Variants in MAPK4 observed in about 807,000 individuals in gnomAD.
MAPK4 encodes the protein Erk3-related.
MAPK4 carries 22 observed loss-of-function variants against 47.7 expected under a neutral mutation model. That is an observed-to-expected ratio of 0.46 (90% CI 0.33 to 0.66). The LOEUF (loss-of-function observed/expected upper bound fraction) is 0.66. Ranked by LOEUF, MAPK4 falls within the 30% of genes least tolerant of loss-of-function variation. MAPK4 has a pLI of 0.02. For synonymous variants in MAPK4, 390 were observed against 365.7 expected, an observed-to-expected ratio of 1.07 and a Z score of -0.76; for missense variants, 736 against 831.7, an observed-to-expected ratio of 0.88 and a Z score of 1.42.
intron 1 of MAPK4, among the ~76,000 whole-genome samples, chr18:50,563,820 T>C (rs2042175135): frequency 6.6e-6 from 1 of 152,192 alleles, no homozygotes; most frequent in South Asian, 2.1e-4. Context: ...AGCCTTTCAC[T>C]GTATGCAAAC....
At chr18:50,683,718 A>G (rs1893487) in intron 2 of MAPK4, among the ~76,000 whole-genome samples, 107,000 of 151,920 alleles carry the variant, frequency 0.7, 40,496 homozygotes, top group Non-Finnish European at 0.85. Flanking sequence ...GATTATTTTT[A>G]AGAGTCCTGG....
chr18:50,604,170 G>A (rs1250832942), intron 1 of MAPK4, among the ~76,000 whole-genome samples: 2 of 152,184 alleles, frequency 1.3e-5, no homozygotes, highest in Non-Finnish European at 2.9e-5. Context: ...CTCAAACCAT[G>A]TCATTGTTCT....
chr18:50,699,281 C>T (rs902879370), intron 2 of MAPK4, among the ~76,000 whole-genome samples: 2 of 152,028 alleles, frequency 1.3e-5, no homozygotes, highest in South Asian at 4.2e-4. Context: ...AACCTTCTGC[C>T]GTATTATGTT....
At chr18:50,591,049 A>G (rs1056605311) in intron 1 of MAPK4, among the ~76,000 whole-genome samples, 1 of 152,202 alleles carries the variant, frequency 6.6e-6, no homozygotes, top group East Asian at 1.9e-4. Flanking sequence ...AAACGTGATA[A>G]TGCTTATTCA....
intron 1 of MAPK4, among the ~76,000 whole-genome samples, chr18:50,562,533 T>A (rs183827880): frequency 6.6e-6 from 1 of 152,064 alleles, no homozygotes; most frequent in Admixed American, 6.5e-5. Flanking sequence ...TCCAAACTGA[T>A]ACCAGTGATG....
At chr18:50,684,373 C>A (rs1908751354) in intron 2 of MAPK4, among the ~76,000 whole-genome samples, 1 of 151,964 alleles carries the variant, frequency 6.6e-6, no homozygotes, top group Non-Finnish European at 1.5e-5. Context: ...CGCAAGACCC[C>A]TTTTTCTAAA....
intron 1 of MAPK4, among the ~76,000 whole-genome samples, chr18:50,652,416 T>A (rs2043060234): frequency 6.6e-6 from 1 of 152,178 alleles, no homozygotes; most frequent in African/African-American, 2.4e-5. Flanking sequence ...AAAGAGCTGA[T>A]GCACCTGGGT....
chr18:50,683,412 C>G (rs917715622), intron 2 of MAPK4, among the ~76,000 whole-genome samples: 3 of 151,544 alleles, frequency 2.0e-5, no homozygotes, highest in Admixed American at 6.6e-5. Context: ...CTTGAGCTAC[C>G]ACTCCTGACC....
intron 1 of MAPK4, among the ~76,000 whole-genome samples, chr18:50,599,712 C>A (rs1173318236): frequency 1.3e-5 from 2 of 152,124 alleles, no homozygotes; most frequent in Admixed American, 6.5e-5. Context: ...AACCACTGTG[C>A]CTGGCCTGCT....
chr18:50,629,379 T>C (rs1397766159), intron 1 of MAPK4: 1 of 152,192 alleles, frequency 6.6e-6, no homozygotes, highest in East Asian at 1.9e-4. Context: ...AGAATAGAAA[T>C]GTATGTTTTA....
intron 1 of MAPK4, among the ~76,000 whole-genome samples, chr18:50,581,443 G>A (rs2042343699): frequency 6.6e-6 from 1 of 152,132 alleles, no homozygotes; most frequent in Admixed American, 6.5e-5. Context: ...GGGCACACAC[G>A]TGATCCAAGA....
intron 1 of MAPK4, chr18:50,629,923 T>C (rs1471689273): frequency 6.6e-6 from 1 of 152,262 alleles, no homozygotes; most frequent in African/African-American, 2.4e-5. Flanking sequence ...GTAATAATGA[T>C]GCCCATCACT....
At chr18:50,658,772 C>G (rs1040131517) in intron 1 of MAPK4, among the ~76,000 whole-genome samples, 2 of 152,152 alleles carry the variant, frequency 1.3e-5, no homozygotes, top group African/African-American at 4.8e-5. Context: ...TCCTAGGTAG[C>G]TCCCTAGGAG....
intron 1 of MAPK4, among the ~76,000 whole-genome samples, chr18:50,609,029 G>A (rs2042607555): frequency 6.6e-6 from 1 of 152,084 alleles, no homozygotes. Context: ...CAGAGAGCAG[G>A]GGGTTGGGGG....
chr18:50,724,145 G>T (rs1029445633), intron 4 of MAPK4, among the ~76,000 whole-genome samples: 2 of 152,140 alleles, frequency 1.3e-5, no homozygotes, highest in Non-Finnish European at 2.9e-5. Context: ...CCGAGTAGCT[G>T]GCACCACAAG....
intron 2 of MAPK4, among the ~76,000 whole-genome samples, chr18:50,697,505 A>G (rs1909577804): frequency 6.6e-6 from 1 of 152,242 alleles, no homozygotes; most frequent in Non-Finnish European, 1.5e-5. Flanking sequence ...AAGTGCTTTT[A>G]GTAATACTGC....
chr18:50,662,896 G>C (rs1280935637), intron 1 of MAPK4, among the ~76,000 whole-genome samples, 193 bp from the exon 2 acceptor site: 1 of 152,222 alleles, frequency 6.6e-6, no homozygotes, highest in Non-Finnish European at 1.5e-5. Flanking sequence ...TCCATCTTCT[G>C]TCTCTTCCAG....
chr18:50,689,018 G>C (rs946609487), intron 2 of MAPK4, among the ~76,000 whole-genome samples: 1 of 151,860 alleles, frequency 6.6e-6, no homozygotes, highest in Non-Finnish European at 1.5e-5. Context: ...CAGCACTTTG[G>C]GAGGCTGAGG....
At chr18:50,645,546 T>A (rs559718122) in intron 1 of MAPK4, among the ~76,000 whole-genome samples, 1 of 152,126 alleles carries the variant, frequency 6.6e-6, no homozygotes, top group East Asian at 1.9e-4. Context: ...GTTATCTTAT[T>A]TTAATTTTTT....
Sources: allele counts gnomAD v4.1 joint callset (sites outside exome capture counted in the v4.1 genomes callset), GRCh38; gene constraint gnomAD v4.1.1; transcripts MANE v1.5; gene names NCBI Gene and HGNC (gene_info 2026-07-23, HGNC 2026-07-21).